Variants in PFKP observed in about 807,000 individuals in gnomAD.
PFKP encodes the protein phosphofructokinase, platelet, also known as ATP-dependent 6-phosphofructokinase, platelet type.
PFKP carries 101 observed loss-of-function variants against 94.3 expected under a neutral mutation model. The observed-to-expected ratio is 1.07, with a 90% confidence interval of 0.91 to 1.26. PFKP has a LOEUF of 1.26. Among genes scored for constraint, PFKP ranks in the 50% most tolerant of loss-of-function variants. The pLI is 0.00. For missense variants in PFKP, 1,145 were observed against 1,103.3 expected, an observed-to-expected ratio of 1.04 and a Z score of -0.53; for synonymous variants, 573 against 432.6, an observed-to-expected ratio of 1.32 and a Z score of -4.03.
At position 3,101,516 on chromosome 10, in the gene PFKP, AG is replaced by A. The variant is rs1292247976; in HGVS notation, c.418del (p.Glu140SerfsTer44). 1 of 1,585,124 alleles carries A rather than the reference AG, an allele frequency of 6.3e-7. No individual in the cohort carries two copies. The highest frequency in any genetic ancestry group is 1.2e-5 in the South Asian group (1 of 86,598). Reference protein sequence around the residue: ...GSLTGANLFRKEWSGLLEELA... With the variant: ...GSLTGANLFRXEWSGLLEELA... ...CTCACCGGGGCCAACCTCTTCCGGA[AG>A]GAGTGGAGTGGGCTGCTGGAGGAGC... is the stretch of plus-strand genomic sequence containing the variant. On this transcript the variant is annotated frameshift_variant, in exon 4 of 22. Transcript: ENST00000381125. LOFTEE classifies it high-confidence loss of function.
intron 2 of PFKP, among the ~76,000 whole-genome samples, chr10:3,095,059 G>A (rs555063581): frequency 6.6e-6 from 1 of 152,252 alleles, no homozygotes; most frequent in South Asian, 2.1e-4. Flanking sequence ...AGTTAGTTGA[G>A]TGAAGAATTC....
intron 13 of PFKP, among the ~76,000 whole-genome samples, chr10:3,116,189 G>T (rs993715986): frequency 2.6e-5 from 4 of 151,944 alleles, no homozygotes; most frequent in Non-Finnish European, 5.9e-5. Context: ...GATGTAGAAT[G>T]ATCTTTTTTC....
rs559829885 is a variant in PFKP at position 3,113,413 on chromosome 10, G to A, written c.1266G>A (p.Ala422=). 34 of 1,601,422 alleles carry A rather than the reference G, an allele frequency of 2.1e-5. No homozygotes were observed. In the South Asian group the frequency reaches 2.4e-4, roughly 12 times the overall value. The change falls in exon 13 of 22, where the codon GCG becomes GCA. Residue 422 remains alanine, a synonymous_variant. Transcript: ENST00000381125. ...CTGTCATCAACGTGGGGGCACCCGCGGCTGGGATGAACGCAGCCGTACGCT... is the reference window on the plus strand; with the variant it reads ...CTGTCATCAACGTGGGGGCACCCGCAGCTGGGATGAACGCAGCCGTACGCT... ...NVAVINVGAP[A]AGMNAAVRSA...
chr10:3,067,713 C>A lies in PFKP; in HGVS notation c.112+6C>A. 6.9e-7 allele frequency: 1 copy of A among 1,447,432 alleles called. No homozygotes were observed. Among genetic ancestry groups the A allele is most frequent in the Non-Finnish European group, 9.2e-7 (1 of 1,083,930 alleles). The allele number at this position is 1,447,432 out of a possible 1,614,324, so 89.7% of individuals were successfully genotyped here. Reference sequence around the variant, plus strand: ...CAGCGGCGGGGATGCTCAAGGTGCGCGCCCCCCTCCCGGCGGCGAGGGAGG... The same window carrying A: ...CAGCGGCGGGGATGCTCAAGGTGCGAGCCCCCCTCCCGGCGGCGAGGGAGG... On this transcript the variant is annotated splice_donor_region_variant and intron_variant, in intron 1 of 21. Coordinates refer to ENST00000381125, the MANE Select transcript of PFKP (RefSeq NM_002627.5).
chr10:3,098,617 G>C (rs1043657620), intron 2 of PFKP, among the ~76,000 whole-genome samples: 1 of 142,808 alleles, frequency 7.0e-6, no homozygotes, highest in South Asian at 2.2e-4. Flanking sequence ...AGGTTGCAGT[G>C]AGCCGAGATC....
At chr10:3,087,833 G>A (rs942502173) in intron 2 of PFKP, among the ~76,000 whole-genome samples, 8 of 152,050 alleles carry the variant, frequency 5.3e-5, no homozygotes, top group South Asian at 4.1e-4. Context: ...ACCTCTGGGC[G>A]TCTTGGGAAC....
chr10:3,108,883 G>A, intron 9 of PFKP, 90 bp downstream of exon 9: 1 of 946,934 alleles, frequency 1.1e-6, no homozygotes, highest in Non-Finnish European at 1.7e-6. Context: ...ACAGAGGCTG[G>A]CAAGGTGCTC....
intron 1 of PFKP, among the ~76,000 whole-genome samples, chr10:3,081,470 C>T (rs897251410): frequency 6.6e-6 from 1 of 152,224 alleles, no homozygotes; most frequent in Admixed American, 6.5e-5. Flanking sequence ...GCTTGGTGCT[C>T]TCAGGTGTGT....
In PFKP at chr10:3,108,825, G is replaced by C. The variant is rs1465415441; in HGVS notation, c.963+32G>C. ...TGGGAAGGGTTGGGCATCTTCACAA[G>C]GTCTCTAGGAGGAAGCGTTTCTGGA... is the stretch of plus-strand genomic sequence containing the variant. On this transcript the variant is annotated intron_variant, in intron 9 of 21. Transcript: ENST00000381125. The C allele has an allele frequency of 2.0e-6, 3 of 1,463,756 alleles. No individual in the cohort carries two copies. In the South Asian group the frequency reaches 3.4e-5, roughly 17 times the overall value. The allele number at this position is 1,463,756 out of a possible 1,614,324, so 90.7% of individuals were successfully genotyped here.
At chr10:3,096,372 CTT>C (rs1041301416) in intron 2 of PFKP, among the ~76,000 whole-genome samples, 1 of 152,150 alleles carries the variant, frequency 6.6e-6, no homozygotes, top group African/African-American at 2.4e-5. Context: ...CCCCCGGTCT[CTT>C]TATTTACCAA....
At chr10:3,118,372 G>T (rs999700600) in intron 14 of PFKP, among the ~76,000 whole-genome samples, 1 of 152,124 alleles carries the variant, frequency 6.6e-6, no homozygotes, top group Non-Finnish European at 1.5e-5. Context: ...GGAGGCTGAG[G>T]CACGAGAATC....
At chr10:3,104,959 A>G in intron 5 of PFKP, 156 bp from the exon 6 acceptor site, 1 of 715,624 alleles carries the variant, frequency 1.4e-6, no homozygotes, top group South Asian at 1.6e-5. Flanking sequence ...AAAATGGACC[A>G]TTTTTGAAGC....
chr10:3,119,874 C>G lies in PFKP; in HGVS notation c.1531-18C>G. ...CCAGCTTCCCTCTCGCCCCACAACT[C>G]CCACGCTTGTCTGACAGGCCTACCT... On this transcript the variant is annotated intron_variant, in intron 15 of 21. Coordinates refer to ENST00000381125, the MANE Select transcript of PFKP (RefSeq NM_002627.5). 1 of 1,613,732 alleles carries G rather than the reference C, an allele frequency of 6.2e-7. No homozygotes were observed. Among genetic ancestry groups the G allele is most frequent in the Non-Finnish European group, 8.5e-7 (1 of 1,179,812 alleles).
chr10:3,133,750 G>A (rs1160662075), intron 19 of PFKP, among the ~76,000 whole-genome samples: 1 of 152,318 alleles, frequency 6.6e-6, no homozygotes, highest in East Asian at 1.9e-4. Context: ...GAACTTTTAA[G>A]TGATGCCAAA....
intron 2 of PFKP, among the ~76,000 whole-genome samples, chr10:3,095,266 A>ACGCGCATAGGT (rs139046692): frequency 2.0e-5 from 3 of 152,152 alleles, no homozygotes; most frequent in South Asian, 2.1e-4. Context: ...TAGGTGAACT[A>ACGCGCATAGGT]GCTTACTCCA....
chr10:3,074,230 C>A (rs11817505), intron 1 of PFKP, among the ~76,000 whole-genome samples: 22,495 of 152,220 alleles, frequency 0.15, 2,002 homozygotes, highest in East Asian at 0.31. Flanking sequence ...CAGGCCCTTT[C>A]TGCCTGGAGC....
intron 19 of PFKP, 94 bp downstream of exon 19, chr10:3,133,408 ATAAG>A (rs72074210): frequency 0.083 from 68,881 of 831,314 alleles, 4,485 homozygotes; most frequent in East Asian, 0.29. Flanking sequence ...GGAAAAATGT[ATAAG>A]TAAATTCCAA....
At chr10:3,127,872 TAC>T (rs1237727988) in intron 16 of PFKP, among the ~76,000 whole-genome samples, 7 of 152,208 alleles carry the variant, frequency 4.6e-5, no homozygotes, top group African/African-American at 1.4e-4. Flanking sequence ...AAACTGGAAA[TAC>T]AGTTTGGAAT....
intron 17 of PFKP, among the ~76,000 whole-genome samples, chr10:3,131,363 G>A (rs1838569181): frequency 6.6e-6 from 1 of 152,178 alleles, no homozygotes; most frequent in Non-Finnish European, 1.5e-5. Flanking sequence ...CCTGTTACAT[G>A]ACTCATGACC....
Sources: allele counts gnomAD v4.1 joint callset (sites outside exome capture counted in the v4.1 genomes callset), GRCh38; gene constraint gnomAD v4.1.1; transcripts MANE v1.5; gene names NCBI Gene and HGNC (gene_info 2026-07-23, HGNC 2026-07-21).